The following STK11IP variants were observed in gnomAD, a reference collection of about 807,000 sequenced individuals.
STK11IP encodes serine/threonine-protein kinase 11-interacting protein.
A neutral mutation model predicts 131.7 loss-of-function variants in STK11IP; 103 were observed. The ratio of observed to expected loss-of-function variants is 0.78; its 90% CI spans 0.67 to 0.92. The LOEUF (loss-of-function observed/expected upper bound fraction) is 0.92. Among genes scored for constraint, STK11IP ranks in the 40% least tolerant of loss-of-function variants. STK11IP has a pLI of 0.00. For synonymous variants in STK11IP, 557 were observed against 575.6 expected (o/e 0.97, Z 0.46); for missense variants, 1,315 against 1,385.7 (o/e 0.95, Z 0.81).
intron 12 of STK11IP, 61 bp from the exon 13 acceptor site, chr2:219,606,992 C>T: frequency 6.2e-7 from 1 of 1,608,830 alleles, no homozygotes; most frequent in Non-Finnish European, 8.5e-7. Flanking sequence ...GGATGGCCAG[C>T]CGTGGATGGC....
Position 219,606,702 on chromosome 2 carries a change from C to CA in STK11IP, c.988-9dup, listed in dbSNP as rs757583076. 24 of 1,603,832 alleles carry CA rather than the reference C, an allele frequency of 1.5e-5. No individual in the cohort carries two copies. The highest frequency in any genetic ancestry group is 1.8e-5 in the Non-Finnish European group (21 of 1,173,868). On this transcript the variant is annotated splice_polypyrimidine_tract_variant and intron_variant, in intron 11 of 24. Transcript: ENST00000456909. ...CCAACCTCTCTCTCCTTCCTGTCGT[C>CA]ACGTGCCAGACTCACACATCCTTGG...
intron 15 of STK11IP, 146 bp from the exon 16 acceptor site, chr2:219,608,951 C>G: frequency 1.9e-6 from 2 of 1,030,490 alleles, no homozygotes; most frequent in East Asian, 5.2e-5. Flanking sequence ...GGCTGAGGAG[C>G]AGGGATTCTG....
Position 219,606,303 on chromosome 2 carries a change from C to G in STK11IP, c.945+13C>G, listed in dbSNP as rs371620384. On this transcript the variant is annotated intron_variant, in intron 10 of 24. Transcript: ENST00000456909. ...TGCTGCTACTGGCGTGAGTGATCGT[C>G]CTGTGTCCACTCTTCTTCCCCTTTC... The G allele has an allele frequency of 8.7e-4, 1,349 of 1,558,098 alleles. 8 individuals are homozygous for G. The highest frequency in any genetic ancestry group is 7.6e-3 in the South Asian group (641 of 84,570).
chr2:219,605,765 G>C, intron 8 of STK11IP, 31 bp downstream of exon 8: 1 of 1,590,784 alleles, frequency 6.3e-7, no homozygotes, highest in Non-Finnish European at 8.6e-7. Flanking sequence ...GGGCAAGCAT[G>C]GAGGGGAAGG....
In STK11IP at chr2:219,616,243, T is replaced by G; in HGVS notation, c.*50T>G. 1 of 1,570,144 alleles carries G rather than the reference T, an allele frequency of 6.4e-7. No homozygotes were observed. The highest frequency in any genetic ancestry group is 8.7e-7 in the Non-Finnish European group (1 of 1,155,810). ...GACCTCAGGAGCCACGCTGTAGACA[T>G]TCCCTCTCCTGGTCTCTGGGTCTGG... On this transcript the variant is annotated 3_prime_UTR_variant, in exon 25 of 25. Coordinates refer to ENST00000456909, the MANE Select transcript of STK11IP (RefSeq NM_052902.4).
At position 219,601,316 on chromosome 2, in the gene STK11IP, A is replaced by T. The variant is rs1478539897; in HGVS notation, c.143A>T (p.His48Leu). 1.2e-6 allele frequency: 2 copies of T among 1,614,030 alleles called. No homozygotes were observed. The highest frequency in any genetic ancestry group is 2.2e-5 in the South Asian group (2 of 91,086). The change falls in exon 3 of 25, where the codon CAC becomes CTC. Residue 48 changes from histidine (H) to leucine (L), a missense_variant. Coordinates refer to ENST00000456909, the MANE Select transcript of STK11IP (RefSeq NM_052902.4). ...LQQLNHVFEL[H>L]LGPWGPGQTG... ...CAGCTGAACCACGTATTTGAGCTGC[A>T]CCTGGGGCCATGGGGCCCTGGCCAG...
Position 219,613,254 on chromosome 2 carries a change from A to AGGGGGGAGATGGGGTGAGTT in STK11IP, c.2537+44_2537+63dup, listed in dbSNP as rs774171629. The AGGGGGGAGATGGGGTGAGTT allele has an allele frequency of 2.3e-3, 1,728 of 763,566 alleles. 17 individuals are homozygous for AGGGGGGAGATGGGGTGAGTT. The highest frequency in any genetic ancestry group is 5.0e-3 in the South Asian group (346 of 69,480). 47.3% of individuals were successfully genotyped at this position (763,566 alleles called of 1,614,324 possible). On this transcript the variant is annotated intron_variant, in intron 20 of 24. Coordinates refer to ENST00000456909, the MANE Select transcript of STK11IP (RefSeq NM_052902.4). ...AGTGAGAGGGGAGATGCAGTGAGTA[A>AGGGGGGAGATGGGGTGAGTT]GGGGGGAGATGGGGTGAGTTGGGGG...
Position 219,611,564 on chromosome 2 carries a change from T to TG in STK11IP, c.2105-32dup, listed in dbSNP as rs757312802. 1,865 of 1,496,714 alleles carry TG rather than the reference T, an allele frequency of 1.2e-3. 1 individual carries two copies. The highest frequency in any genetic ancestry group is 1.5e-3 in the Non-Finnish European group (1,567 of 1,078,970). The allele number at this position is 1,496,714 out of a possible 1,614,324, so 92.7% of individuals were successfully genotyped here. On this transcript the variant is annotated intron_variant, in intron 17 of 24. Coordinates refer to ENST00000456909, the MANE Select transcript of STK11IP (RefSeq NM_052902.4). The stretch of plus-strand genomic sequence containing the variant: ...GAGCATGGTGGGAGTTGTGGCACTG[T>TG]GGGGGGGGCTCATGGGGACCGTGTC...
At chr2:219,612,335 A>G (rs1000448610) in intron 19 of STK11IP, among the ~76,000 whole-genome samples, 7 of 152,176 alleles carry the variant, frequency 4.6e-5, no homozygotes, top group African/African-American at 1.2e-4. Context: ...GCACTCATCA[A>G]TGGGGCCTCC....
Position 219,606,064 on chromosome 2 carries a change from G to A in STK11IP, c.849+5G>A, listed in dbSNP as rs754595422. ...CTGCTGGCTGAGCTCCGCAAGGTGA[G>A]ATGGGAATGCATCAGGGGCCTGGGA... On this transcript the variant is annotated splice_donor_5th_base_variant and intron_variant, in intron 9 of 24. Coordinates refer to ENST00000456909, the MANE Select transcript of STK11IP (RefSeq NM_052902.4). 6.3e-7 allele frequency: 1 copy of A among 1,593,526 alleles called. No individual in the cohort carries two copies. The highest frequency in any genetic ancestry group is 8.5e-7 in the Non-Finnish European group (1 of 1,169,966).
At chr2:219,615,608 C>T (rs751905422) in intron 24 of STK11IP, 21 of 653,996 alleles carry the variant, frequency 3.2e-5, no homozygotes, top group African/African-American at 1.4e-4. Flanking sequence ...GTGAGGTTTC[C>T]GGCAGCTTTG....
At chr2:219,605,500 C>A in intron 7 of STK11IP, 108 bp from the exon 8 acceptor site, 1 of 1,060,378 alleles carries the variant, frequency 9.4e-7, no homozygotes, top group South Asian at 1.5e-5. Context: ...TGAGTGTGTG[C>A]AGTTTTATAT....
chr2:219,601,528 A>C (rs1697983390), intron 3 of STK11IP, 88 bp downstream of exon 3: 1 of 1,561,010 alleles, frequency 6.4e-7, no homozygotes, highest in Non-Finnish European at 8.7e-7. Context: ...AGAAGTCTGC[A>C]GTGCCAGGAT....
chr2:219,612,971 T>TGCAAG, intron 19 of STK11IP, 157 bp from the exon 20 acceptor site: 2 of 611,992 alleles, frequency 3.3e-6, no homozygotes, highest in Non-Finnish European at 5.9e-6. Flanking sequence ...CGGTGGTGGA[T>TGCAAG]GAAGAGGCTG....
At position 219,611,567 on chromosome 2, in the gene STK11IP, G is replaced by T. The variant is rs1352611564; in HGVS notation, c.2105-37G>T. Reference sequence around the variant, plus strand: ...CATGGTGGGAGTTGTGGCACTGTGGGGGGGGCTCATGGGGACCGTGTCCAT... The same window carrying T: ...CATGGTGGGAGTTGTGGCACTGTGGTGGGGGCTCATGGGGACCGTGTCCAT... On this transcript the variant is annotated intron_variant, in intron 17 of 24. Transcript: ENST00000456909. 6 of 1,538,812 alleles carry T rather than the reference G, an allele frequency of 3.9e-6. No individual in the cohort carries two copies. In the Admixed American group the frequency reaches 5.0e-5, roughly 13 times the overall value.
intron 13 of STK11IP, among the ~76,000 whole-genome samples, chr2:219,607,534 C>T (rs567882480): frequency 2.0e-5 from 3 of 152,140 alleles, no homozygotes; most frequent in African/African-American, 7.2e-5. Flanking sequence ...TGGTGTGCGC[C>T]TGTAGTCCTA....
Position 219,598,085 on chromosome 2 carries a change from C to T in STK11IP, c.-26-9C>T, listed in dbSNP as rs762374709. Reference sequence around the variant, plus strand: ...CTGAGGCTCTTCCGCTTCCTCTTTCCCCCCCCAGGCTCCGCCCCCCAGCGT... The same window carrying T: ...CTGAGGCTCTTCCGCTTCCTCTTTCTCCCCCCAGGCTCCGCCCCCCAGCGT... On this transcript the variant is annotated splice_polypyrimidine_tract_variant and intron_variant, in intron 1 of 24. Coordinates refer to ENST00000456909, the MANE Select transcript of STK11IP (RefSeq NM_052902.4). 4 of 1,578,776 alleles carry T rather than the reference C, an allele frequency of 2.5e-6. No individual in the cohort carries two copies. The highest frequency in any genetic ancestry group is 2.8e-5 in the African/African-American group (2 of 71,842).
In STK11IP at chr2:219,616,369, C is replaced by T. The variant is rs1698568939; in HGVS notation, c.*176C>T. On this transcript the variant is annotated 3_prime_UTR_variant, in exon 25 of 25. Transcript: ENST00000456909. The stretch of plus-strand genomic sequence containing the variant: ...GGGAGAGGCGAGAGAATGATCTGGC[C>T]TCAGGGGACAGGCCACCTGGTCAGG... The T allele has an allele frequency of 1.3e-6, 1 of 793,858 alleles. No homozygotes were observed. The allele number at this position is 793,858 out of a possible 1,614,324, so 49.2% of individuals were successfully genotyped here. A position where few individuals can be genotyped will look rare whatever the true frequency, so the allele number is the denominator to read the frequency against.
intron 12 of STK11IP, 93 bp from the exon 13 acceptor site, chr2:219,606,960 G>A: frequency 1.3e-6 from 2 of 1,598,860 alleles, no homozygotes; most frequent in Non-Finnish European, 1.7e-6. Context: ...CTTGCACGTG[G>A]TCAAGGTTTC....
Sources: allele counts gnomAD v4.1 joint callset (sites outside exome capture counted in the v4.1 genomes callset), GRCh38; gene constraint gnomAD v4.1.1; transcripts MANE v1.5; gene names NCBI Gene and HGNC (gene_info 2026-07-23, HGNC 2026-07-21).